Variants in CENPK observed in about 807,000 individuals in gnomAD.
CENPK encodes the protein SoxLZ/Sox6-binding protein Solt.
Under a neutral mutation model 40.9 loss-of-function variants are expected in CENPK, and 46 were observed. The observed-to-expected ratio is 1.13, with a 90% confidence interval of 0.89 to 1.44. The LOEUF (loss-of-function observed/expected upper bound fraction) is 1.44. CENPK is among the 40% of genes most tolerant of loss of function. CENPK has a pLI of 0.00. For missense variants in CENPK, 288 were observed against 303.5 expected (o/e 0.95, Z 0.38); for synonymous variants, 107 against 104.4 (o/e 1.02, Z -0.15).
chr5:65,557,486 T>C (rs1234368505), intron 2 of CENPK, among the ~76,000 whole-genome samples: 1 of 152,202 alleles, frequency 6.6e-6, no homozygotes, highest in African/African-American at 2.4e-5. Flanking sequence ...CACTCACCCT[T>C]GCAACCCAGG....
At chr5:65,534,451 C>T (rs1746512955) in intron 6 of CENPK, among the ~76,000 whole-genome samples, 1 of 152,028 alleles carries the variant, frequency 6.6e-6, no homozygotes, top group Non-Finnish European at 1.5e-5. Flanking sequence ...TACTTGATTT[C>T]AAGACTTATT....
intron 2 of CENPK, among the ~76,000 whole-genome samples, chr5:65,557,408 C>T (rs1224888991): frequency 6.6e-6 from 1 of 152,196 alleles, no homozygotes; most frequent in African/African-American, 2.4e-5. Flanking sequence ...GAAAATGACA[C>T]CACATGACTT....
In CENPK at chr5:65,518,488, G is replaced by C. The variant is rs933805256; in HGVS notation, c.797C>G (p.Ala266Gly). The change falls in exon 11 of 11, where the codon GCT becomes GGT. Residue 266 changes from alanine (A) to glycine (G), a missense_variant. Physicochemically the swap from Ala to Gly is moderately conservative, Grantham distance 60. Coordinates refer to ENST00000396679, the MANE Select transcript of CENPK (RefSeq NM_022145.5). ...PEDPTRIRLE[A>G]FHQ ...GAAAACATCCTTTTACTGATGGAAA[G>C]CTTCTAATCTTATTCGGGTTGGATC... 2.5e-6 allele frequency: 4 copies of C among 1,609,470 alleles called. No homozygotes were observed. The highest frequency in any genetic ancestry group is 1.7e-5 in the Admixed American group (1 of 58,458).
chr5:65,514,519 C>T (rs966452944), downstream of CENPK, among the ~76,000 whole-genome samples: 6 of 152,120 alleles, frequency 3.9e-5, no homozygotes, highest in Admixed American at 3.9e-4. Context: ...CCCACCTCAG[C>T]CTCCCAAAGT....
chr5:65,555,824 C>T (rs1320680795), intron 2 of CENPK, among the ~76,000 whole-genome samples: 1 of 152,170 alleles, frequency 6.6e-6, no homozygotes, highest in East Asian at 1.9e-4. Context: ...GGGAGAAGTG[C>T]TGATTAAAAA....
chr5:65,511,159 G>A, the CENPK span, among the ~76,000 whole-genome samples: 7 of 152,228 alleles, frequency 4.6e-5, no homozygotes, highest in Admixed American at 3.9e-4. Flanking sequence ...TATGAAGGTT[G>A]AGAGAGGTGA....
At chr5:65,539,138 T>G (rs1368813082) in intron 6 of CENPK, among the ~76,000 whole-genome samples, 2 of 152,220 alleles carry the variant, frequency 1.3e-5, no homozygotes, top group Non-Finnish European at 1.5e-5. Flanking sequence ...CATTTAAGTT[T>G]TGAGAAAGTG....
chr5:65,542,645 A>T (rs1261286404), intron 6 of CENPK, among the ~76,000 whole-genome samples, 157 bp downstream of exon 6: 1 of 152,160 alleles, frequency 6.6e-6, no homozygotes, highest in Non-Finnish European at 1.5e-5. Context: ...TCCAAAAAAA[A>T]AAAATCAAAT....
At chr5:65,557,415 AC>A (rs1405915324) in intron 2 of CENPK, among the ~76,000 whole-genome samples, 2 of 152,192 alleles carry the variant, frequency 1.3e-5, no homozygotes, top group African/African-American at 4.8e-5. Flanking sequence ...ACACCACATG[AC>A]TTTCAAGACT....
rs1455074358 is a variant in CENPK, at chr5:65,528,436, C to T, written c.597+16G>A. 1.3e-6 allele frequency: 2 copies of T among 1,571,776 alleles called. No homozygotes were observed. The highest frequency in any genetic ancestry group is 2.8e-5 in the African/African-American group (2 of 72,074). ...CAAATATGATAATTTACATAAATGT[C>T]TTCTCTAAAACTTACCTTTTTCTTT... On this transcript the variant is annotated intron_variant, in intron 9 of 10. Transcript: ENST00000396679.
chr5:65,509,457 T>G, the CENPK span, among the ~76,000 whole-genome samples: 385 of 152,364 alleles, frequency 2.5e-3, 1 homozygote, highest in Middle Eastern at 6.8e-3. Flanking sequence ...CCATGTCTTT[T>G]CATAGCTTCA....
downstream of CENPK, among the ~76,000 whole-genome samples, chr5:65,514,903 A>G (rs1176784835): frequency 6.6e-6 from 1 of 152,198 alleles, no homozygotes; most frequent in East Asian, 1.9e-4. Context: ...AAGAAGAGTA[A>G]TAATGGCACC....
At chr5:65,551,088 CA>C in intron 5 of CENPK, 3 of 308,950 alleles carry the variant, frequency 9.7e-6, no homozygotes, top group Admixed American at 8.5e-5. Flanking sequence ...CAAAAAAATA[CA>C]AAAACCAACC....
chr5:65,526,057 G>A (rs1373639232), intron 9 of CENPK, among the ~76,000 whole-genome samples: 1 of 152,120 alleles, frequency 6.6e-6, no homozygotes, highest in Non-Finnish European at 1.5e-5. Flanking sequence ...TTTGTAACAT[G>A]TATCAATAGT....
chr5:65,504,907 T>C, the CENPK span, among the ~76,000 whole-genome samples: 1 of 152,090 alleles, frequency 6.6e-6, no homozygotes, highest in African/African-American at 2.4e-5. Flanking sequence ...GTGGGAAAGA[T>C]TTTTAGTTTT....
chr5:65,517,344 C>T (rs987956692), downstream of CENPK, among the ~76,000 whole-genome samples: 2 of 152,170 alleles, frequency 1.3e-5, no homozygotes, highest in African/African-American at 2.4e-5. Flanking sequence ...CTTGTCAGAC[C>T]TACACTGCCA....
intron 9 of CENPK, 111 bp from the exon 10 acceptor site, chr5:65,521,639 C>A (rs1467606956): frequency 2.6e-6 from 2 of 773,140 alleles, no homozygotes; most frequent in Non-Finnish European, 4.2e-6. Flanking sequence ...TCATTCTTGG[C>A]GCCCAGGCTG....
chr5:65,534,267 GC>G (rs1746471781), intron 6 of CENPK, among the ~76,000 whole-genome samples: 1 of 152,100 alleles, frequency 6.6e-6, no homozygotes, highest in South Asian at 2.1e-4. Context: ...TAATGGATCT[GC>G]ATTCAGACTA....
At chr5:65,499,202 G>A in the CENPK span, among the ~76,000 whole-genome samples, 1 of 147,672 alleles carries the variant, frequency 6.8e-6, no homozygotes, top group African/African-American at 2.5e-5. Flanking sequence ...CTTCTTTTAG[G>A]GTAGGTCTGC....
Sources: allele counts gnomAD v4.1 joint callset (sites outside exome capture counted in the v4.1 genomes callset), GRCh38; gene constraint gnomAD v4.1.1; transcripts MANE v1.5; gene names NCBI Gene and HGNC (gene_info 2026-07-23, HGNC 2026-07-21).